TRAF3: variants seen among roughly 807,000 people sequenced by gnomAD.
TRAF3 encodes the protein TNF receptor-associated factor 3.
In TRAF3, 13 loss-of-function variants were observed where a neutral mutation model predicts 62.3. The ratio of observed to expected loss-of-function variants is 0.21; its 90% CI spans 0.14 to 0.33. The LOEUF (loss-of-function observed/expected upper bound fraction) is 0.33, where lower values mean the gene tolerates loss of function less well. Among genes scored for constraint, TRAF3 ranks in the 10% least tolerant of loss-of-function variants. The pLI is 1.00. For missense variants in TRAF3, 440 were observed against 741.8 expected, an observed-to-expected ratio of 0.59 and a Z score of 4.73; for synonymous variants, 269 against 283.4, an observed-to-expected ratio of 0.95 and a Z score of 0.51.
intron 2 of TRAF3, among the ~76,000 whole-genome samples, chr14:102,846,170 C>T (rs1249590524): frequency 6.6e-6 from 1 of 152,046 alleles, no homozygotes; most frequent in Non-Finnish European, 1.5e-5. Context: ...AGCAATCATA[C>T]TTCTAGGTAT....
At chr14:102,904,684 CCTG>C (rs1392261701) in intron 11 of TRAF3, among the ~76,000 whole-genome samples, 2 of 152,050 alleles carry the variant, frequency 1.3e-5, no homozygotes, top group Admixed American at 1.3e-4. Context: ...GTGGCGGGCG[CCTG>C]TAGTCCCAGC....
At chr14:102,904,767 G>A (rs1890494927) in intron 11 of TRAF3, among the ~76,000 whole-genome samples, 1 of 144,590 alleles carries the variant, frequency 6.9e-6, no homozygotes, top group Non-Finnish European at 1.5e-5. Context: ...CCGAGATTGT[G>A]CCACTGCACT....
At chr14:102,785,195 T>G (rs1897434977) in intron 1 of TRAF3, among the ~76,000 whole-genome samples, 1 of 152,252 alleles carries the variant, frequency 6.6e-6, no homozygotes, top group Admixed American at 6.5e-5. Context: ...GTATTTTTCA[T>G]GCAGCCTTTC....
intron 2 of TRAF3, among the ~76,000 whole-genome samples, chr14:102,833,430 T>G (rs1185776166): frequency 6.6e-6 from 1 of 152,236 alleles, no homozygotes; most frequent in Non-Finnish European, 1.5e-5. Context: ...GAACAGATGA[T>G]GTCTCATGTT....
At chr14:102,880,331 T>A (rs1469272608) in intron 6 of TRAF3, among the ~76,000 whole-genome samples, 1 of 152,168 alleles carries the variant, frequency 6.6e-6, no homozygotes. Flanking sequence ...AAATAATAAT[T>A]TCTCCAGTTG....
Position 102,903,066 on chromosome 14 carries a change from C to G in TRAF3, c.961-189C>G. 1.3e-6 allele frequency: 1 copy of G among 756,496 alleles called. No individual in the cohort carries two copies. Among genetic ancestry groups the G allele is most frequent in the South Asian group, 1.5e-5 (1 of 67,836 alleles). The allele number at this position is 756,496 out of a possible 1,614,324, so 46.9% of individuals were successfully genotyped here. ...CGAGTGCTCCCTGCCGGCACAAGCA[C>G]TTGATCCCAGGGAGCTCCCAGGAGG... is the stretch of plus-strand genomic sequence containing the variant. On this transcript the variant is annotated intron_variant, in intron 10 of 11. Coordinates refer to ENST00000392745, the MANE Select transcript of TRAF3 (RefSeq NM_145725.3). This position sits in a 1 kb window ranked among gnomAD's most constrained non-coding sequence, Gnocchi z 6.4.
intron 2 of TRAF3, among the ~76,000 whole-genome samples, chr14:102,833,752 T>C (rs1435366930): frequency 6.6e-6 from 1 of 152,146 alleles, no homozygotes; most frequent in Non-Finnish European, 1.5e-5. Context: ...CCCAGCTCTT[T>C]GGGAGGTCGA....
chr14:102,789,722 T>C (rs1595283586), intron 1 of TRAF3, among the ~76,000 whole-genome samples: 1 of 152,274 alleles, frequency 6.6e-6, no homozygotes, highest in East Asian at 1.9e-4. Context: ...AGCAAAGATA[T>C]TGAATGTCTT....
At chr14:102,844,992 G>C (rs954958451) in intron 2 of TRAF3, among the ~76,000 whole-genome samples, 4 of 152,016 alleles carry the variant, frequency 2.6e-5, no homozygotes, top group Admixed American at 2.0e-4. Flanking sequence ...CTGCCTCCTG[G>C]GTTCACACCA....
In TRAF3 at chr14:102,808,822, C is replaced by CT. The variant is rs879267625; in HGVS notation, c.-156-21499dup. On this transcript the variant is annotated intron_variant, in intron 1 of 11. Transcript: ENST00000392745. ...TGTCTTGAGCATGGTGATAGATTGA[C>CT]TTTTTTTTTTTTTAAGACAGTCTTA... 4.2e-3 allele frequency among the ~76,000 whole-genome samples: 608 copies of CT among 144,228 alleles called. 1 individual carries two copies. The highest frequency in any genetic ancestry group is 6.1e-3 in the African/African-American group (241 of 39,522). The allele number at this position is 144,228 out of a possible 152,430, so 94.6% of individuals were successfully genotyped here.
chr14:102,869,172 G>A (rs1203191943), intron 2 of TRAF3, among the ~76,000 whole-genome samples: 2 of 152,214 alleles, frequency 1.3e-5, no homozygotes, highest in East Asian at 3.9e-4. Context: ...TCCACAACGG[G>A]CCCACTCCAC....
intron 1 of TRAF3, among the ~76,000 whole-genome samples, chr14:102,790,273 A>G (rs150337886): frequency 3.1e-4 from 47 of 152,310 alleles, no homozygotes; most frequent in African/African-American, 1.1e-3. Flanking sequence ...TGAAAACACT[A>G]TTCTTTCCCT....
intron 6 of TRAF3, 151 bp downstream of exon 6, chr14:102,876,676 A>T (rs776988895): frequency 9.3e-7 from 1 of 1,078,558 alleles, no homozygotes; most frequent in Non-Finnish European, 1.4e-6. Flanking sequence ...CAGTTCATAG[A>T]TATTCCGTTC....
At chr14:102,894,326 C>T (rs1889889046) in intron 9 of TRAF3, among the ~76,000 whole-genome samples, 2 of 148,698 alleles carry the variant, frequency 1.3e-5, no homozygotes, top group Admixed American at 6.7e-5. Flanking sequence ...GACTCGTCTC[C>T]AAAAAAAAAG....
At chr14:102,780,337 A>C (rs952308753) in intron 1 of TRAF3, among the ~76,000 whole-genome samples, 1 of 151,566 alleles carries the variant, frequency 6.6e-6, no homozygotes, top group Non-Finnish European at 1.5e-5. Context: ...GAAAAAAAAA[A>C]CCGAGAAAAT....
chr14:102,854,560 G>T (rs1452044574), intron 2 of TRAF3, among the ~76,000 whole-genome samples: 1 of 152,196 alleles, frequency 6.6e-6, no homozygotes, highest in African/African-American at 2.4e-5. Flanking sequence ...CAGTGCAGTA[G>T]TGCAAACATG....
intron 10 of TRAF3, among the ~76,000 whole-genome samples, chr14:102,898,945 G>C (rs1890137902): frequency 6.6e-6 from 1 of 152,244 alleles, no homozygotes. Context: ...AGTGTCCCTT[G>C]ACCTGTGACG....
chr14:102,849,065 G>A (rs1376135950), intron 2 of TRAF3, among the ~76,000 whole-genome samples: 15 of 152,284 alleles, frequency 9.9e-5, no homozygotes, highest in Non-Finnish European at 1.8e-4. Flanking sequence ...GCCTCCCAAA[G>A]TATGCTGCAA....
chr14:102,901,460 G>C (rs1029113682), intron 10 of TRAF3, among the ~76,000 whole-genome samples: 2 of 152,218 alleles, frequency 1.3e-5, no homozygotes, highest in East Asian at 3.8e-4. Context: ...GTGTTAGAAG[G>C]TGGAGATGCG....
Sources: gnomAD v4.1 joint callset for allele counts (sites outside exome capture counted in the v4.1 genomes callset) on GRCh38, gnomAD v4.1.1 for gene constraint, Gnocchi (gnomAD v3.1) non-coding constraint, MANE v1.5 for transcripts, NCBI Gene and HGNC (gene_info 2026-07-23, HGNC 2026-07-21) for gene names.